Variants in MARCHF1 observed in about 807,000 individuals in gnomAD.
MARCHF1 encodes the protein E3 ubiquitin-protein ligase MARCHF1.
A neutral mutation model predicts 54.2 loss-of-function variants in MARCHF1; 40 were observed. The observed-to-expected ratio is 0.74, with a 90% CI of 0.57 to 0.96. The LOEUF (loss-of-function observed/expected upper bound fraction) is 0.96. Among genes scored for constraint, MARCHF1 ranks in the 40% least tolerant of loss-of-function variants. MARCHF1 has a pLI of 0.00. For synonymous variants in MARCHF1, 236 were observed against 236.3 expected (o/e 1.00, Z 0.01); for missense variants, 586 against 656.5 (o/e 0.89, Z 1.17).
At chr4:164,115,080 A>T (rs537938044) in intron 1 of MARCHF1, among the ~76,000 whole-genome samples, 1 of 152,170 alleles carries the variant, frequency 6.6e-6, no homozygotes, top group South Asian at 2.1e-4. Flanking sequence ...TTAAATTTAC[A>T]AAAGACAGAC....
chr4:163,671,009 C>T (rs6843006), intron 5 of MARCHF1, among the ~76,000 whole-genome samples: 1,904 of 152,306 alleles, frequency 0.013, 44 homozygotes, highest in African/African-American at 0.042. Context: ...GATTTCACCT[C>T]TTCTGAGTTC....
At chr4:163,637,550 C>G (rs912761453) in intron 5 of MARCHF1, among the ~76,000 whole-genome samples, 2 of 151,760 alleles carry the variant, frequency 1.3e-5, no homozygotes, top group African/African-American at 4.8e-5. Context: ...GAGATACCAT[C>G]TCACACCAGT....
chr4:164,324,771 A>G (rs1264587395), intron 1 of MARCHF1, among the ~76,000 whole-genome samples: 2 of 151,466 alleles, frequency 1.3e-5, no homozygotes, highest in Non-Finnish European at 3.0e-5. Context: ...AGAAAGTTTT[A>G]CATCTATATA....
At chr4:163,658,998 C>T (rs1743251266) in intron 5 of MARCHF1, among the ~76,000 whole-genome samples, 1 of 151,838 alleles carries the variant, frequency 6.6e-6, no homozygotes, top group Admixed American at 6.6e-5. Context: ...CTGGATATAT[C>T]ATTTTATATT....
intron 4 of MARCHF1, among the ~76,000 whole-genome samples, chr4:163,768,374 T>C (rs1238291688): frequency 6.6e-6 from 1 of 152,234 alleles, no homozygotes; most frequent in East Asian, 1.9e-4. Flanking sequence ...CAATGAGTTA[T>C]GGACAGAAAT....
intron 4 of MARCHF1, among the ~76,000 whole-genome samples, chr4:163,816,144 AC>A (rs1294333500): frequency 6.6e-6 from 1 of 152,226 alleles, no homozygotes; most frequent in African/African-American, 2.4e-5. Flanking sequence ...TTGAGCAATA[AC>A]TGTAAAATTA....
chr4:164,258,930 T>A (rs1733370461), intron 1 of MARCHF1, among the ~76,000 whole-genome samples: 1 of 152,150 alleles, frequency 6.6e-6, no homozygotes, highest in Admixed American at 6.6e-5. Flanking sequence ...CAAAATGAGA[T>A]TATAAAATCA....
At chr4:163,720,485 G>GACAA (rs1745413056) in intron 4 of MARCHF1, among the ~76,000 whole-genome samples, 1 of 151,964 alleles carries the variant, frequency 6.6e-6, no homozygotes, top group East Asian at 1.9e-4. Context: ...TTGTTCTTTT[G>GACAA]GCTTAAGATT....
At chr4:163,978,626 T>C (rs1395649712) in intron 3 of MARCHF1, among the ~76,000 whole-genome samples, 2 of 152,180 alleles carry the variant, frequency 1.3e-5, no homozygotes, top group African/African-American at 2.4e-5. Context: ...TCCAGATACA[T>C]GCTTTTAACC....
Position 163,917,709 on chromosome 4 carries a change from G to C in MARCHF1, c.-38-63540C>G, listed in dbSNP as rs929959299. On this transcript the variant is annotated intron_variant, in intron 3 of 9. Coordinates refer to ENST00000514618, the MANE Select transcript of MARCHF1 (RefSeq NM_001394959.1). The stretch of plus-strand genomic sequence containing the variant: ...ATGTGCCATGGTGGTTTGCTGCACA[G>C]ATCAACCCGTCACCTAGGTGTTAAG... 2.6e-5 allele frequency among the ~76,000 whole-genome samples: 4 copies of C among 152,206 alleles called. No individual in the cohort carries two copies. The East Asian group carries it at 5.8e-4, about 22-fold the overall frequency.
chr4:164,088,953 CTTTT>C (rs370325362), intron 2 of MARCHF1, among the ~76,000 whole-genome samples: 1 of 152,026 alleles, frequency 6.6e-6, no homozygotes, highest in South Asian at 2.1e-4. Context: ...ATGGATAATT[CTTTT>C]TTTAGAGTGA....
chr4:163,824,782 A>AC (rs1748799322), intron 4 of MARCHF1, among the ~76,000 whole-genome samples: 1 of 90,400 alleles, frequency 1.1e-5, no homozygotes, highest in Non-Finnish European at 2.5e-5. Flanking sequence ...ATGAACTCAA[A>AC]GAAATTTACA....
intron 1 of MARCHF1, among the ~76,000 whole-genome samples, chr4:164,214,939 A>C (rs1239906531): frequency 6.6e-6 from 1 of 152,136 alleles, no homozygotes; most frequent in Non-Finnish European, 1.5e-5. Flanking sequence ...CCCGCCGCTC[A>C]AACCTCAGAT....
At chr4:164,325,656 G>A (rs1482247013) in intron 1 of MARCHF1, among the ~76,000 whole-genome samples, 2 of 151,930 alleles carry the variant, frequency 1.3e-5, no homozygotes, top group Non-Finnish European at 2.9e-5. Flanking sequence ...TTGAACCCAG[G>A]AGGTGGAAGT....
At chr4:164,113,670 C>G (rs544160831) in intron 1 of MARCHF1, among the ~76,000 whole-genome samples, 37 of 151,916 alleles carry the variant, frequency 2.4e-4, no homozygotes, top group Middle Eastern at 3.4e-3. Context: ...GTACGTCTAT[C>G]TGATAAATAA....
chr4:163,888,908 C>T (rs1370282942), intron 3 of MARCHF1, among the ~76,000 whole-genome samples: 1 of 152,108 alleles, frequency 6.6e-6, no homozygotes, highest in African/African-American at 2.4e-5. Context: ...TTACTAGATG[C>T]TGAGGATTCA....
chr4:163,767,492 C>A (rs1579270271), intron 4 of MARCHF1, among the ~76,000 whole-genome samples: 2 of 151,778 alleles, frequency 1.3e-5, no homozygotes, highest in East Asian at 3.9e-4. Flanking sequence ...CGCCACCACA[C>A]CCAGCTACTT....
At chr4:163,877,095 C>A (rs975850990) in intron 3 of MARCHF1, among the ~76,000 whole-genome samples, 1 of 152,044 alleles carries the variant, frequency 6.6e-6, no homozygotes, top group Non-Finnish European at 1.5e-5. Flanking sequence ...TAGCTATTAT[C>A]CACACTTAAG....
intron 4 of MARCHF1, among the ~76,000 whole-genome samples, chr4:163,707,609 A>C (rs1744986232): frequency 6.6e-6 from 1 of 152,004 alleles, no homozygotes; most frequent in Admixed American, 6.6e-5. Flanking sequence ...AAATGCTAGT[A>C]GAAATGTGAT....
Sources: gnomAD v4.1 joint callset for allele counts (sites outside exome capture counted in the v4.1 genomes callset) on GRCh38, gnomAD v4.1.1 for gene constraint, MANE v1.5 for transcripts, NCBI Gene and HGNC (gene_info 2026-07-23, HGNC 2026-07-21) for gene names.